GATA6: variants seen among roughly 807,000 people sequenced by gnomAD.
GATA6 encodes GATA binding protein 6, also known as transcription factor GATA-6.
GATA6 carries 11 observed loss-of-function variants against 48.1 expected under a neutral mutation model. That is an observed-to-expected ratio of 0.23 (90% CI 0.14 to 0.38). The LOEUF is 0.38. Ranked by LOEUF, GATA6 falls within the 10% of genes least tolerant of loss-of-function variation. GATA6 has a pLI of 1.00. For missense variants in GATA6, 795 were observed against 850.3 expected (o/e 0.93, Z 0.81); for synonymous variants, 419 against 396.1 (o/e 1.06, Z -0.69).
At chr18:22,197,130 A>T (rs538281448) in intron 6 of GATA6, among the ~76,000 whole-genome samples, 27 of 132,060 alleles carry the variant, frequency 2.0e-4, no homozygotes, top group South Asian at 2.4e-4. Flanking sequence ...CCCAGACTGG[A>T]GTGCAATGGT....
At chr18:22,183,618 G>A (rs1685065434) in intron 6 of GATA6, among the ~76,000 whole-genome samples, 1 of 152,132 alleles carries the variant, frequency 6.6e-6, no homozygotes, top group South Asian at 2.1e-4. Context: ...AATTGTACTG[G>A]CGTTTATTTC....
At position 22,172,070 on chromosome 18, in the gene GATA6, A is replaced by G. The variant is rs2033059489; in HGVS notation, c.926A>G (p.Gln309Arg). The change falls in exon 2 of 7, where the codon CAG becomes CGG. Residue 309 changes from glutamine (Q) to arginine (R), a missense_variant. This residue lies in a region of GATA6 where 591 missense variants were observed against 570.0 expected (regional missense o/e 1.04). Coordinates refer to ENST00000269216, the MANE Select transcript of GATA6 (RefSeq NM_005257.6). The surrounding 1 kb of genome is among the most constrained non-coding windows in gnomAD (Gnocchi z 5.2). ...GCGGCCATGGGCGGCCGCGAGCCCC[A>G]GTACAGCTCGCTGTCGGCCGCGCGG... ...SLAAMGGREP[Q>R]YSSLSAARPL... 1 of 1,438,622 alleles carries G rather than the reference A, an allele frequency of 7.0e-7. No individual in the cohort carries two copies. The highest frequency in any genetic ancestry group is 1.5e-5 in the South Asian group (1 of 68,852). 89.1% of individuals were successfully genotyped at this position (1,438,622 alleles called of 1,614,324 possible).
intron 3 of GATA6, among the ~76,000 whole-genome samples, chr18:22,178,054 A>C (rs541760252): frequency 1.5e-5 from 2 of 133,058 alleles, no homozygotes; most frequent in Admixed American, 1.9e-4. Context: ...CTCCGCCTCC[A>C]GGGTTCAAGC....
chr18:22,182,820 A>G lies in GATA6; in HGVS notation c.1492A>G (p.Ile498Val), dbSNP rs1005332800. The change falls in exon 5 of 7, where the codon ATA (isoleucine) becomes GTA (valine). Residue 498 changes from isoleucine to valine, a missense_variant. Transcript: ENST00000269216. ...AACCAGGAAACGAAAACCTAAGAAC[A>G]TAAATAAATCAAAGACTTGCTCTGG... is the stretch of plus-strand genomic sequence containing the variant. ...IQTRKRKPKN[I>V]NKSKTCSGNS... The G allele has an allele frequency of 1.9e-6, 3 of 1,613,936 alleles. No homozygotes were observed. Among genetic ancestry groups the G allele is most frequent in the Non-Finnish European group, 2.5e-6 (3 of 1,179,894 alleles).
intron 6 of GATA6, among the ~76,000 whole-genome samples, chr18:22,193,631 C>T (rs2033353834): frequency 6.6e-6 from 1 of 152,198 alleles, no homozygotes; most frequent in Non-Finnish European, 1.5e-5. Context: ...GACAGTCTGC[C>T]TTGCAGTGAA....
rs1288470498 is a variant in GATA6, at chr18:22,171,765, G to C, written c.621G>C (p.Gly207=). 11 of 1,394,000 alleles carry C rather than the reference G, an allele frequency of 7.9e-6. No homozygotes were observed. The East Asian group carries it at 2.7e-4, about 35-fold the overall frequency. 86.4% of individuals were successfully genotyped at this position (1,394,000 alleles called of 1,614,324 possible). The change falls in exon 2 of 7, where the codon GGG becomes GGC. Residue 207 remains glycine (G), a synonymous_variant. Transcript: ENST00000269216. The surrounding 1 kb of genome is among the most constrained non-coding windows in gnomAD (Gnocchi z 7.1). ...MLPGLPYHLQ[G]SGSGPANHAG... is the part of the protein sequence containing the mutation. ...CCGGCCTACCGTACCACCTGCAGGG[G>C]TCGGGCAGTGGGCCAGCCAACCACG...
At position 22,202,336 on chromosome 18, in the gene GATA6, C is replaced by G. The variant is rs188721277; in HGVS notation, c.*1513C>G. ...AATATATTCTGGCCCACGAACAGGG[C>G]GATTTCCTTTCAGTTTTTTCCTTTT... On this transcript the variant is annotated 3_prime_UTR_variant, in exon 7 of 7. Transcript: ENST00000269216. The G allele has an allele frequency of 1.3e-5, 2 of 152,098 alleles. No individual in the cohort carries two copies. Among genetic ancestry groups the G allele is most frequent in the Non-Finnish European group, 2.9e-5 (2 of 68,020 alleles). 9.4% of individuals were successfully genotyped at this position (152,098 alleles called of 1,614,324 possible). A position where few individuals can be genotyped will look rare whatever the true frequency, so the allele number is the denominator to read the frequency against.
intron 6 of GATA6, among the ~76,000 whole-genome samples, chr18:22,192,416 C>G (rs920489294): frequency 6.6e-6 from 1 of 152,150 alleles, no homozygotes; most frequent in Non-Finnish European, 1.5e-5. Flanking sequence ...AAGATCCTCA[C>G]TTTCTTAATG....
chr18:22,181,293 A>G (rs1451083198), intron 3 of GATA6, among the ~76,000 whole-genome samples, 160 bp from the exon 4 acceptor site: 2 of 152,250 alleles, frequency 1.3e-5, no homozygotes, highest in Non-Finnish European at 2.9e-5. Flanking sequence ...CAGAAAAGTC[A>G]GTATAAGTAC....
Position 22,171,831 on chromosome 18 carries a change from G to C in GATA6, c.687G>C (p.Ser229=), listed in dbSNP as rs1189580893. ...CGCACCCCGGCTGGCCTCAGGCCTC[G>C]GCCGACAGCCCTCCATACGGCAGCG... ...AGAHPGWPQA[S]ADSPPYGSGG... Residue 229 remains serine, a synonymous_variant, in exon 2 of 7, where the codon TCG becomes TCC. Coordinates refer to ENST00000269216, the MANE Select transcript of GATA6 (RefSeq NM_005257.6). The surrounding 1 kb of genome is among the most constrained non-coding windows in gnomAD (Gnocchi z 7.1). 8.0e-7 allele frequency: 1 copy of C among 1,248,368 alleles called. No homozygotes were observed. The highest frequency in any genetic ancestry group is 1.0e-6 in the Non-Finnish European group (1 of 1,001,192). The allele number at this position is 1,248,368 out of a possible 1,614,324, so 77.3% of individuals were successfully genotyped here.
rs1323432383 is a variant in GATA6, at chr18:22,170,176, G to C, written c.-38+494G>C. ...CGCCTCGGCTCTGGGGCGGTCTCACGCTCCCCCCTCCCCAGCCCGTTGCGT... is the reference window on the plus strand; with the variant it reads ...CGCCTCGGCTCTGGGGCGGTCTCACCCTCCCCCCTCCCCAGCCCGTTGCGT... On this transcript the variant is annotated intron_variant, in intron 1 of 6. Transcript: ENST00000269216. The surrounding 1 kb of genome is among the most constrained non-coding windows in gnomAD (Gnocchi z 6.7). Among the ~76,000 whole-genome samples, 2 of 152,090 alleles carry C rather than the reference G, an allele frequency of 1.3e-5. No individual in the cohort carries two copies. Among genetic ancestry groups the C allele is most frequent in the African/African-American group, 2.4e-5 (1 of 41,408 alleles).
chr18:22,184,042 G>C (rs1464028667), intron 6 of GATA6, among the ~76,000 whole-genome samples: 1 of 152,176 alleles, frequency 6.6e-6, no homozygotes, highest in African/African-American at 2.4e-5. Context: ...GATTTTCCAA[G>C]TCAGAGTCTC....
At chr18:22,182,719 A>T in intron 4 of GATA6, 38 bp from the exon 5 acceptor site, 1 of 1,396,320 alleles carries the variant, frequency 7.2e-7, no homozygotes, top group Non-Finnish European at 1.0e-6. Context: ...TTTCTTCAAT[A>T]TAATATTAAA....
intron 6 of GATA6, among the ~76,000 whole-genome samples, chr18:22,196,666 A>C (rs150999816): frequency 0.013 from 1,953 of 152,182 alleles, 46 homozygotes; most frequent in African/African-American, 0.045. Context: ...TCTTCAGCCC[A>C]GGAGGTGGAG....
chr18:22,189,720 G>C (rs1474587222), intron 6 of GATA6, among the ~76,000 whole-genome samples: 3 of 152,112 alleles, frequency 2.0e-5, no homozygotes, highest in Non-Finnish European at 4.4e-5. Context: ...GCCAAACAGT[G>C]GTGGATTGGT....
intron 6 of GATA6, among the ~76,000 whole-genome samples, chr18:22,198,079 T>C (rs951001789): frequency 1.3e-5 from 2 of 151,910 alleles, no homozygotes; most frequent in African/African-American, 2.4e-5. Context: ...TCTTTCTTTT[T>C]TTTTTTTTAA....
chr18:22,182,716 A>G (rs775196247), intron 4 of GATA6, 41 bp from the exon 5 acceptor site: 1 of 1,392,766 alleles, frequency 7.2e-7, no homozygotes, highest in Middle Eastern at 2.1e-4. Context: ...GTTTTTCTTC[A>G]ATATAATATT....
chr18:22,201,709 ATTTG>A lies in GATA6; in HGVS notation c.*889_*892del, dbSNP rs1304927170. Reference sequence around the variant, plus strand: ...TCTCTCAGGAAAATTGCCTTTCTCTATTTGTTAAGAATTTTTATACAAGAACACC... The same window carrying A: ...TCTCTCAGGAAAATTGCCTTTCTCTATTAAGAATTTTTATACAAGAACACC... On this transcript the variant is annotated 3_prime_UTR_variant, in exon 7 of 7. Coordinates refer to ENST00000269216, the MANE Select transcript of GATA6 (RefSeq NM_005257.6). The A allele has an allele frequency of 6.6e-6, 1 of 152,614 alleles. No individual in the cohort carries two copies. Among genetic ancestry groups the A allele is most frequent in the Non-Finnish European group, 1.5e-5 (1 of 68,016 alleles). The allele number at this position is 152,614 out of a possible 1,614,324, so 9.5% of individuals were successfully genotyped here.
Position 22,182,922 on chromosome 18 carries a change from T to C in GATA6, c.1517-18T>C, listed in dbSNP as rs2033216696. The stretch of plus-strand genomic sequence containing the variant: ...TAGAGCATATGTATATTTATAAGGT[T>C]TATTTTGACTGTTGCAGGTAATAGC... On this transcript the variant is annotated intron_variant, in intron 5 of 6. Transcript: ENST00000269216. 23 of 1,608,398 alleles carry C rather than the reference T, an allele frequency of 1.4e-5. No homozygotes were observed. The highest frequency in any genetic ancestry group is 1.9e-5 in the Non-Finnish European group (22 of 1,174,872).
Sources: gnomAD v4.1 joint callset for allele counts (sites outside exome capture counted in the v4.1 genomes callset) on GRCh38, gnomAD v4.1.1 for gene constraint, gnomAD v4.1.1 regional missense constraint, Gnocchi (gnomAD v3.1) non-coding constraint, MANE v1.5 for transcripts, NCBI Gene and HGNC (gene_info 2026-07-23, HGNC 2026-07-21) for gene names.